Variants in ARID1A observed in about 807,000 individuals in gnomAD.
The protein encoded by ARID1A is AT-rich interactive domain-containing protein 1A.
In ARID1A, 20 loss-of-function variants were observed where a neutral mutation model predicts 212.6. The observed-to-expected ratio is 0.09, with a 90% CI of 0.07 to 0.14. ARID1A has a LOEUF of 0.14. Among genes scored for constraint, ARID1A ranks in the 10% least tolerant of loss-of-function variants. The pLI, the probability that ARID1A is intolerant of heterozygous loss-of-function variation, is 1.00. For synonymous variants in ARID1A, 1,376 were observed against 1,222.1 expected (o/e 1.13, Z -2.63); for missense variants, 2,587 against 3,059.0 (o/e 0.85, Z 3.64).
rs1007592633 is a variant in ARID1A, at chr1:26,774,251, G to A, written c.4102-78G>A. ...GTCTGTGTCCACCAAGCATCTGGTT[G>A]TAGCCATCTTGGCATCTGTGGGCTT... On this transcript the variant is annotated intron_variant, in intron 17 of 19. Transcript: ENST00000324856. The surrounding 1 kb of genome is among the most constrained non-coding windows in gnomAD (Gnocchi z 5.6). 3 of 1,504,146 alleles carry A rather than the reference G, an allele frequency of 2.0e-6. No homozygotes were observed. Among genetic ancestry groups the A allele is most frequent in the Non-Finnish European group, 2.7e-6 (3 of 1,128,740 alleles). 93.2% of individuals were successfully genotyped at this position (1,504,146 alleles called of 1,614,324 possible). A position where few individuals can be genotyped will look rare whatever the true frequency, so the allele number is the denominator to read the frequency against.
intron 1 of ARID1A, chr1:26,729,052 A>G (rs2080647527): frequency 1.3e-5 from 2 of 152,744 alleles, no homozygotes; most frequent in Admixed American, 1.3e-4. Flanking sequence ...TTATATCTTC[A>G]AACTCTTGAA....
At chr1:26,768,139 C>G (rs1482043466) in intron 11 of ARID1A, 140 bp downstream of exon 11, 3 of 964,632 alleles carry the variant, frequency 3.1e-6, no homozygotes, top group African/African-American at 3.3e-5. Flanking sequence ...ATTGATAGAC[C>G]GGGGAGCACA....
chr1:26,755,391 TC>T (rs2080920027), intron 4 of ARID1A, among the ~76,000 whole-genome samples: 1 of 152,234 alleles, frequency 6.6e-6, no homozygotes, highest in African/African-American at 2.4e-5. Flanking sequence ...TTAATGCTCT[TC>T]CTTCCCTAGT....
chr1:26,729,885 C>T, intron 2 of ARID1A, 22 bp downstream of exon 2: 4 of 1,606,896 alleles, frequency 2.5e-6, no homozygotes, highest in South Asian at 2.2e-5. Flanking sequence ...TTGTGATTAC[C>T]TTGACCCTTG....
rs1330441610 is a variant in ARID1A at position 26,774,784 on chromosome 1, G to A, written c.4557G>A (p.Gln1519=). Residue 1519 remains glutamine (Q), a synonymous_variant, in exon 18 of 20, where the codon CAG becomes CAA. Transcript: ENST00000324856. The surrounding 1 kb of genome is among the most constrained non-coding windows in gnomAD (Gnocchi z 5.6). The part of the protein sequence containing the change: ...ANRQSTGSAP[Q]GPAYHGVNRT... ...GGCAGAGCACGGGCTCTGCCCCCCA[G>A]GGCCCCGCCTATCATGGCGTGAACC... The A allele has an allele frequency of 6.2e-7, 1 of 1,614,196 alleles. No individual in the cohort carries two copies. The highest frequency in any genetic ancestry group is 8.5e-7 in the Non-Finnish European group (1 of 1,180,028).
intron 1 of ARID1A, among the ~76,000 whole-genome samples, chr1:26,702,902 G>A (rs1191224976): frequency 4.6e-5 from 7 of 152,174 alleles, no homozygotes; most frequent in Admixed American, 4.6e-4. Flanking sequence ...AGTAAGGTAA[G>A]TATTACCCCA....
intron 19 of ARID1A, among the ~76,000 whole-genome samples, chr1:26,777,399 T>A (rs1570619298): frequency 6.6e-6 from 1 of 150,548 alleles, no homozygotes; most frequent in East Asian, 2.0e-4. Flanking sequence ...GCTAATTTTT[T>A]TTTTTTTTTT....
chr1:26,767,318 C>T (rs534183544), intron 10 of ARID1A, among the ~76,000 whole-genome samples: 1 of 152,290 alleles, frequency 6.6e-6, no homozygotes, highest in South Asian at 2.1e-4. Context: ...CATTTTAGTC[C>T]ATCCCATTGC....
chr1:26,743,422 T>G (rs575682860), intron 4 of ARID1A, among the ~76,000 whole-genome samples: 4 of 152,320 alleles, frequency 2.6e-5, no homozygotes, highest in African/African-American at 9.6e-5. Flanking sequence ...GGCAGATATT[T>G]GTAAACCTTT....
chr1:26,763,772 G>A (rs984018156), intron 8 of ARID1A, among the ~76,000 whole-genome samples: 10 of 152,014 alleles, frequency 6.6e-5, no homozygotes, highest in Non-Finnish European at 1.5e-4. Context: ...GTCGAAAAAA[G>A]GGGTTTTGTG....
intron 1 of ARID1A, among the ~76,000 whole-genome samples, chr1:26,702,016 C>T (rs1158881447): frequency 2.0e-5 from 3 of 152,112 alleles, no homozygotes; most frequent in African/African-American, 7.2e-5. Flanking sequence ...AATGGATATT[C>T]ATAAGTTCAG....
In ARID1A at chr1:26,779,022, G is replaced by T. The variant is rs2124136328; in HGVS notation, c.5125-1G>T. 1 of 1,497,542 alleles carries T rather than the reference G, an allele frequency of 6.7e-7. No individual in the cohort carries two copies. Among genetic ancestry groups the T allele is most frequent in the Non-Finnish European group, 8.9e-7 (1 of 1,122,614 alleles). The allele number at this position is 1,497,542 out of a possible 1,614,324, so 92.8% of individuals were successfully genotyped here. Reference sequence around the variant, plus strand: ...TTATTTCCTGTTCTTTCTCTTTTTAGCTCCCAGGGTTGCTAGAGCTCCTTG... The same window carrying T: ...TTATTTCCTGTTCTTTCTCTTTTTATCTCCCAGGGTTGCTAGAGCTCCTTG... On this transcript the variant is annotated splice_acceptor_variant, in intron 19 of 19. Transcript: ENST00000324856. LOFTEE classifies it high-confidence loss of function.
intron 1 of ARID1A, among the ~76,000 whole-genome samples, chr1:26,714,571 C>T (rs1308944372): frequency 6.6e-6 from 1 of 152,022 alleles, no homozygotes; most frequent in Non-Finnish European, 1.5e-5. Flanking sequence ...GGTGTGTCAC[C>T]ATGCCGGGCT....
rs2124117496 is a variant in ARID1A, at chr1:26,774,404, T to C, written c.4177T>C (p.Tyr1393His). 1 of 1,610,142 alleles carries C rather than the reference T, an allele frequency of 6.2e-7. No individual in the cohort carries two copies. Among genetic ancestry groups the C allele is most frequent in the Non-Finnish European group, 8.5e-7 (1 of 1,177,532 alleles). Residue 1393 changes from tyrosine to histidine, a missense_variant, in exon 18 of 20, where the codon TAC becomes CAC. Tyr to His is a moderately conservative substitution (Grantham distance 83). Coordinates refer to ENST00000324856, the MANE Select transcript of ARID1A (RefSeq NM_006015.6). This position sits in a 1 kb window ranked among gnomAD's most constrained non-coding sequence, Gnocchi z 5.6. The stretch of plus-strand genomic sequence containing the variant: ...CGAAGGGGAGATGTACAGCGTGCCA[T>C]ACAGCACTGGGCAGGGGCAGCCTCA... ...RHEGEMYSVP[Y>H]STGQGQPQQQ...
Position 26,761,451 on chromosome 1 carries a change from A to G in ARID1A, c.2229A>G (p.Gln743=), listed in dbSNP as rs746513616. Reference sequence around the variant, plus strand: ...GCATCATGCATCCTTCCATGAACCAATCAAGCATTGCCCAAGATCGAGGTG... The same window carrying G: ...GCATCATGCATCCTTCCATGAACCAGTCAAGCATTGCCCAAGATCGAGGTG... ...SDSIMHPSMN[Q]SSIAQDRGYM... Residue 743 remains glutamine, a synonymous_variant, in exon 6 of 20, where the codon CAA becomes CAG. Transcript: ENST00000324856. 6.8e-6 allele frequency: 11 copies of G among 1,614,190 alleles called. No homozygotes were observed. The highest frequency in any genetic ancestry group is 2.2e-5 in the East Asian group (1 of 44,876).
At chr1:26,757,763 GT>G (rs2080955714) in intron 4 of ARID1A, among the ~76,000 whole-genome samples, 1 of 151,956 alleles carries the variant, frequency 6.6e-6, no homozygotes, top group Non-Finnish European at 1.5e-5. Context: ...CACCTCCCGG[GT>G]TCAAGGAATT....
At chr1:26,775,876 C>A in intron 19 of ARID1A, 169 bp downstream of exon 19, 1 of 949,968 alleles carries the variant, frequency 1.1e-6, no homozygotes, top group Non-Finnish European at 1.6e-6. Flanking sequence ...AGGATTTTGA[C>A]AGCAATAATA....
intron 1 of ARID1A, among the ~76,000 whole-genome samples, chr1:26,708,458 G>T (rs942490648): frequency 2.0e-5 from 3 of 148,296 alleles, no homozygotes; most frequent in Non-Finnish European, 4.5e-5. Flanking sequence ...GTAATTTTTT[G>T]TATTTTTAGT....
chr1:26,711,802 G>A (rs561156971), intron 1 of ARID1A, among the ~76,000 whole-genome samples: 2 of 152,122 alleles, frequency 1.3e-5, no homozygotes. Context: ...ATCTTGACTG[G>A]CAGGGCATGG....
Sources: gnomAD v4.1 joint callset for allele counts (sites outside exome capture counted in the v4.1 genomes callset) on GRCh38, gnomAD v4.1.1 for gene constraint, Gnocchi (gnomAD v3.1) non-coding constraint, MANE v1.5 for transcripts, NCBI Gene and HGNC (gene_info 2026-07-23, HGNC 2026-07-21) for gene names.